Variants in BANK1 observed in about 807,000 individuals in gnomAD.
BANK1 encodes B-cell scaffold protein with ankyrin repeats.
In BANK1, 95 loss-of-function variants were observed where a neutral mutation model predicts 94.5. That is an observed-to-expected ratio of 1.00 (90% CI 0.85 to 1.19). BANK1 has a LOEUF of 1.19. Ranked by LOEUF, BANK1 falls within the 50% of genes most tolerant of loss-of-function variation. The pLI, the probability that BANK1 is intolerant of heterozygous loss-of-function variation, is 0.00. For synonymous variants in BANK1, 334 were observed against 308.4 expected, an observed-to-expected ratio of 1.08 and a Z score of -0.87; for missense variants, 987 against 932.2, an observed-to-expected ratio of 1.06 and a Z score of -0.77.
rs1297430750 is a variant in BANK1, at chr4:102,007,101, A to T, written c.1207-14413A>T. Among the ~76,000 whole-genome samples, 8 of 66,770 alleles carry T rather than the reference A, an allele frequency of 1.2e-4. 1 individual carries two copies. The South Asian group carries it at 2.0e-3, about 17-fold the overall frequency. The allele number at this position is 66,770 out of a possible 152,430, so 43.8% of individuals were successfully genotyped here. A position where few individuals can be genotyped will look rare whatever the true frequency, so the allele number is the denominator to read the frequency against. ...ATATAAATATATATATAATATATTT[A>T]TATATATATAAATATATATTTTATA... On this transcript the variant is annotated intron_variant, in intron 7 of 16. Transcript: ENST00000322953.
At chr4:101,933,625 G>T (rs1723431140) in intron 7 of BANK1, among the ~76,000 whole-genome samples, 2 of 151,522 alleles carry the variant, frequency 1.3e-5, no homozygotes, top group African/African-American at 4.8e-5. Flanking sequence ...CAAAGAAAAT[G>T]TTGAGCTAGG....
At chr4:102,070,729 G>A (rs1046031060) in intron 13 of BANK1, among the ~76,000 whole-genome samples, 1 of 152,106 alleles carries the variant, frequency 6.6e-6, no homozygotes, top group African/African-American at 2.4e-5. Flanking sequence ...CCTCGCTCAT[G>A]CCTGGCTAGC....
rs1284857589 is a variant in BANK1, at chr4:101,855,070, G to T, written c.505G>T (p.Asp169Tyr). ...EDYFEVNIPT[D>Y]LRAKHSGEIS... ...CTACTTTGAGGTCAACATTCCAACA[G>T]ACCTACGAGCAAAACATTCTGGGGA... Residue 169 changes from aspartate to tyrosine, a missense_variant, in exon 3 of 17, where the codon GAC becomes TAC. Physicochemically the swap from Asp to Tyr is radical, Grantham distance 160 (BLOSUM62 -3). Transcript: ENST00000322953. 1.9e-6 allele frequency: 3 copies of T among 1,613,064 alleles called. No individual in the cohort carries two copies. Among genetic ancestry groups the T allele is most frequent in the East Asian group, 4.5e-5 (2 of 44,854 alleles).
intron 11 of BANK1, among the ~76,000 whole-genome samples, chr4:102,052,113 C>CTTTTTTTTTTTTTTTTTTTTTTTT (rs199811166): frequency 9.6e-6 from 1 of 103,996 alleles, no homozygotes; most frequent in Non-Finnish European, 1.9e-5. Context: ...TTCTTTTTTT[C>CTTTTTTTTTTTTTTTTTTTTTTTT]TTTTTTTTTT....
At chr4:101,996,915 CT>C (rs1725898866) in intron 7 of BANK1, among the ~76,000 whole-genome samples, 3 of 152,050 alleles carry the variant, frequency 2.0e-5, no homozygotes, top group African/African-American at 7.2e-5. Flanking sequence ...TTTGAATACC[CT>C]TTTTTTCTTT....
At chr4:101,924,155 A>C (rs889354666) in intron 7 of BANK1, among the ~76,000 whole-genome samples, 6 of 151,842 alleles carry the variant, frequency 4.0e-5, no homozygotes, top group African/African-American at 1.4e-4. Flanking sequence ...ATGAGATGTA[A>C]TATATTATTT....
At position 102,065,000 on chromosome 4, in the gene BANK1, G is replaced by C. The variant is rs555791935; in HGVS notation, c.2212+1862G>C. 5.9e-5 allele frequency among the ~76,000 whole-genome samples: 9 copies of C among 152,292 alleles called. No homozygotes were observed. The South Asian group carries it at 8.3e-4, about 14-fold the overall frequency. On this transcript the variant is annotated intron_variant, in intron 13 of 16. Coordinates refer to ENST00000322953, the MANE Select transcript of BANK1 (RefSeq NM_017935.5). ...AAGGATTCCACAAGTCTGTGGCTGA[G>C]AGATGAGCTGTACATGTGTAAAGCA...
At chr4:101,955,033 A>C (rs1275999708) in intron 7 of BANK1, among the ~76,000 whole-genome samples, 1 of 152,168 alleles carries the variant, frequency 6.6e-6, no homozygotes, top group Admixed American at 6.6e-5. Context: ...GATTATGTTC[A>C]TGTGTTAGTT....
At chr4:101,915,414 T>C (rs551371948) in intron 6 of BANK1, among the ~76,000 whole-genome samples, 1 of 152,258 alleles carries the variant, frequency 6.6e-6, no homozygotes, top group East Asian at 1.9e-4. Context: ...TAAAAGGCAT[T>C]ATTTTGAAGT....
intron 6 of BANK1, among the ~76,000 whole-genome samples, chr4:101,902,457 G>T (rs1048560325): frequency 2.0e-5 from 3 of 151,904 alleles, no homozygotes; most frequent in Non-Finnish European, 4.4e-5. Context: ...TTGTATAAAG[G>T]GTATTTGGAA....
In BANK1 at chr4:102,043,895, C is replaced by G; in HGVS notation, c.1957C>G (p.Pro653Ala). ...QSDDDKFCGL[P>A]KKQDRARIES... ...TGATGATGACAAGTTCTGTGGTCTT[C>G]CTAAGAAACAAGGTACTAACACTAA... Residue 653 changes from proline to alanine, a missense_variant, in exon 11 of 17, where the codon CCT becomes GCT. Pro to Ala is a conservative substitution (Grantham distance 27, BLOSUM62 -1). Transcript: ENST00000322953. 6.3e-7 allele frequency: 1 copy of G among 1,592,446 alleles called. No homozygotes were observed. Among genetic ancestry groups the G allele is most frequent in the Non-Finnish European group, 8.6e-7 (1 of 1,162,482 alleles).
At chr4:102,009,477 T>C (rs1178930907) in intron 7 of BANK1, among the ~76,000 whole-genome samples, 1 of 152,252 alleles carries the variant, frequency 6.6e-6, no homozygotes, top group Non-Finnish European at 1.5e-5. Context: ...GCTGCCACCC[T>C]GAGGCTTGCA....
chr4:101,978,448 C>A (rs932392793), intron 7 of BANK1, among the ~76,000 whole-genome samples: 5 of 152,008 alleles, frequency 3.3e-5, no homozygotes, highest in African/African-American at 1.2e-4. Context: ...GTAGTAAGTA[C>A]TCAATAAACA....
chr4:102,010,207 G>A (rs934649728), intron 7 of BANK1, among the ~76,000 whole-genome samples: 3 of 151,884 alleles, frequency 2.0e-5, no homozygotes, highest in East Asian at 2.0e-4. Context: ...AGAGCTTGCA[G>A]TGAGCAGAGA....
intron 1 of BANK1, among the ~76,000 whole-genome samples, chr4:101,793,983 G>A (rs181285978): frequency 4.3e-4 from 65 of 151,830 alleles, no homozygotes; most frequent in African/African-American, 1.3e-3. Context: ...TCAAGCTCTC[G>A]TATCAAAAAA....
chr4:102,028,131 T>C (rs952639504), intron 9 of BANK1, among the ~76,000 whole-genome samples: 1 of 152,102 alleles, frequency 6.6e-6, no homozygotes, highest in Admixed American at 6.6e-5. Flanking sequence ...TTTAGAAATG[T>C]TGGGAAGGGA....
At chr4:101,953,016 G>A (rs1724224902) in intron 7 of BANK1, among the ~76,000 whole-genome samples, 1 of 152,212 alleles carries the variant, frequency 6.6e-6, no homozygotes, top group East Asian at 1.9e-4. Flanking sequence ...GGCTTTTGCC[G>A]ACATCTGCAC....
chr4:101,884,994 C>G lies in BANK1; in HGVS notation c.904-10311C>G, dbSNP rs562229623. The stretch of plus-strand genomic sequence containing the variant: ...CGCGATCTGGGTTCACTGCAACCTC[C>G]GCGCCCTCTCCCCTTCTGGTTGAAG... On this transcript the variant is annotated intron_variant, in intron 5 of 16. Coordinates refer to ENST00000322953, the MANE Select transcript of BANK1 (RefSeq NM_017935.5). Among the ~76,000 whole-genome samples the G allele has an allele frequency of 1.1e-3, 162 of 152,218 alleles. 1 individual carries two copies. Among genetic ancestry groups the G allele is most frequent in the Middle Eastern group, 0.01 (3 of 294 alleles).
intron 1 of BANK1, among the ~76,000 whole-genome samples, chr4:101,806,167 T>C (rs1045312701): frequency 3.9e-5 from 6 of 152,074 alleles, no homozygotes; most frequent in Non-Finnish European, 7.4e-5. Flanking sequence ...CTGTCATATA[T>C]GTACTTCTAG....
Sources: gnomAD v4.1 joint callset for allele counts (sites outside exome capture counted in the v4.1 genomes callset) on GRCh38, gnomAD v4.1.1 for gene constraint, MANE v1.5 for transcripts, NCBI Gene and HGNC (gene_info 2026-07-23, HGNC 2026-07-21) for gene names.